The following TET3 variants were observed in gnomAD, a reference collection of about 807,000 sequenced individuals.
TET3 encodes methylcytosine dioxygenase TET3.
A neutral mutation model predicts 141.4 loss-of-function variants in TET3; 19 were observed. The observed-to-expected ratio is 0.13, with a 90% CI of 0.09 to 0.20. The LOEUF is 0.20. Ranked by LOEUF, TET3 falls within the 10% of genes least tolerant of loss-of-function variation. The probability of loss-of-function intolerance (pLI) is 1.00; values close to 1 mark genes in which losing one functional copy is unlikely to be tolerated. For missense variants in TET3, 1,874 were observed against 2,356.9 expected, an observed-to-expected ratio of 0.80 and a Z score of 4.24; for synonymous variants, 1,043 against 980.9, an observed-to-expected ratio of 1.06 and a Z score of -1.18.
At chr2:74,036,804 G>C (rs1687087989) in intron 3 of TET3, among the ~76,000 whole-genome samples, 3 of 152,286 alleles carry the variant, frequency 2.0e-5, no homozygotes, top group Middle Eastern at 3.4e-3. Context: ...ATTAGTTACT[G>C]TTAGGTCAGA....
At chr2:74,052,271 C>A (rs529486623) in intron 4 of TET3, among the ~76,000 whole-genome samples, 17 of 152,164 alleles carry the variant, frequency 1.1e-4, no homozygotes, top group Non-Finnish European at 2.2e-4. Context: ...TAAGCCACCA[C>A]GCCTGAACAG....
intron 3 of TET3, among the ~76,000 whole-genome samples, chr2:74,006,896 A>G (rs571559045): frequency 1.3e-5 from 2 of 152,334 alleles, no homozygotes; most frequent in Non-Finnish European, 2.9e-5. Context: ...CTTTAGGCAA[A>G]TAGAAGGCAG....
intron 6 of TET3, among the ~76,000 whole-genome samples, chr2:74,085,278 G>A (rs546469103): frequency 6.6e-6 from 1 of 152,270 alleles, no homozygotes; most frequent in East Asian, 1.9e-4. Flanking sequence ...TCCCCCAGGC[G>A]GTAGTTGATG....
At chr2:74,108,565 G>C (rs1691628615), downstream of TET3, among the ~76,000 whole-genome samples, 1 of 152,130 alleles carries the variant, frequency 6.6e-6, no homozygotes, top group South Asian at 2.1e-4. Context: ...CGGATGGCTT[G>C]AACAGCAAGT....
At chr2:74,032,104 T>C (rs970691650) in intron 3 of TET3, among the ~76,000 whole-genome samples, 1 of 152,136 alleles carries the variant, frequency 6.6e-6, no homozygotes, top group Non-Finnish European at 1.5e-5. Context: ...CACTCAAAAC[T>C]GTGGGCTGCT....
At position 74,063,992 on chromosome 2, in the gene TET3, T is replaced by C. The variant is rs1688743442; in HGVS notation, c.2495-9557T>C. Among the ~76,000 whole-genome samples the C allele has an allele frequency of 2.0e-5, 3 of 152,254 alleles. No individual in the cohort carries two copies. In the South Asian group the frequency reaches 6.2e-4, roughly 31 times the overall value. ...AAAGTGCTGTTCTTCATTTGATTAC[T>C]TTCTAAGTAAGAAAGCCAGGATAAT... is the stretch of plus-strand genomic sequence containing the variant. On this transcript the variant is annotated intron_variant, in intron 4 of 11. Transcript: ENST00000409262.
At position 74,101,188 on chromosome 2, in the gene TET3, T is replaced by C; in HGVS notation, c.4400T>C (p.Ile1467Thr). The C allele has an allele frequency of 6.2e-7, 1 of 1,613,742 alleles. No homozygotes were observed. The highest frequency in any genetic ancestry group is 8.5e-7 in the Non-Finnish European group (1 of 1,179,836). ...TTCTCGTCTGGGGAGAGTCCTGCCA[T>C]CGTCCCTGACAAGCTCAGTTCCTTT... ...GVFSSGESPA[I>T]VPDKLSSFGA... Residue 1467 changes from isoleucine (I) to threonine (T), a missense_variant, in exon 12 of 12, where the codon ATC (isoleucine) becomes ACC (threonine). Transcript: ENST00000409262. The surrounding 1 kb of genome is among the most constrained non-coding windows in gnomAD (Gnocchi z 8.5).
intron 2 of TET3, among the ~76,000 whole-genome samples, chr2:73,991,719 C>T (rs1416527477): frequency 6.7e-6 from 1 of 149,922 alleles, no homozygotes; most frequent in Non-Finnish European, 1.5e-5. Context: ...GCAGGAGAAT[C>T]CCTTGAACCC....
intron 3 of TET3, among the ~76,000 whole-genome samples, chr2:74,032,449 CTCTGTGTGTGTGTGTGTGTGTG>C (rs1686751685): frequency 2.4e-5 from 1 of 42,056 alleles, no homozygotes. Context: ...AGGGGTGTGT[CTCTGTGTGTGTGTGTGTGTGTG>C]TGTGTGTGTG....
chr2:74,013,545 C>CA, intron 3 of TET3, among the ~76,000 whole-genome samples: 1 of 152,164 alleles, frequency 6.6e-6, no homozygotes, highest in Non-Finnish European at 1.5e-5. Flanking sequence ...CAGTGGCTCT[C>CA]ACGCCTGTAA....
At chr2:74,024,995 G>A (rs972093212) in intron 3 of TET3, among the ~76,000 whole-genome samples, 39 of 151,960 alleles carry the variant, frequency 2.6e-4, no homozygotes, top group African/African-American at 8.2e-4. Flanking sequence ...AGGCCGAGGC[G>A]GGTGGATCAT....
chr2:74,028,598 T>C (rs1169377781), intron 3 of TET3, among the ~76,000 whole-genome samples: 1 of 152,210 alleles, frequency 6.6e-6, no homozygotes, highest in African/African-American at 2.4e-5. Flanking sequence ...TCTCACTGTT[T>C]TGTAGATGTT....
At chr2:74,069,203 T>G (rs1023383193) in intron 4 of TET3, among the ~76,000 whole-genome samples, 1 of 151,762 alleles carries the variant, frequency 6.6e-6, no homozygotes, top group Admixed American at 6.6e-5. Context: ...GATAAGGTAT[T>G]AAGTATGGAT....
At chr2:73,987,421 G>C (rs1684092129) in intron 2 of TET3, among the ~76,000 whole-genome samples, 1 of 152,196 alleles carries the variant, frequency 6.6e-6, no homozygotes, top group African/African-American at 2.4e-5. Flanking sequence ...GAGGGAAGGA[G>C]ATTTGGGGTG....
chr2:74,042,421 A>G (rs1354039480), intron 3 of TET3, among the ~76,000 whole-genome samples: 1 of 152,254 alleles, frequency 6.6e-6, no homozygotes, highest in Non-Finnish European at 1.5e-5. Context: ...CTGCTCAGTT[A>G]CAGACATAGT....
chr2:74,022,092 C>T (rs1686074726), intron 3 of TET3, among the ~76,000 whole-genome samples: 1 of 83,606 alleles, frequency 1.2e-5, no homozygotes, highest in African/African-American at 6.1e-5. Flanking sequence ...CTTTCTAGGA[C>T]ACTTTTTTTT....
rs1687760643 is a variant in TET3, at chr2:74,048,340, C to T, written c.2423C>T (p.Thr808Ile). 4.3e-6 allele frequency: 7 copies of T among 1,613,822 alleles called. No homozygotes were observed. The highest frequency in any genetic ancestry group is 5.9e-6 in the Non-Finnish European group (7 of 1,179,894). Residue 808 changes from threonine (T) to isoleucine (I), a missense_variant, in exon 4 of 12, where the codon ACA becomes ATA. By Grantham distance (89) the Thr-to-Ile change is moderately conservative (BLOSUM62 -1). Transcript: ENST00000409262. ...GAGTCACCTCTTAAGTACCTGGACA[C>T]ACCCACCAAGAGTCTGCTGGACACA... Reference protein sequence around the residue: ...FLESPLKYLDTPTKSLLDTPA... With the variant: ...FLESPLKYLDIPTKSLLDTPA...
the TET3 span, chr2:74,135,325 CT>C: frequency 2.1e-6 from 1 of 479,724 alleles, no homozygotes; most frequent in Non-Finnish European, 3.5e-6. Flanking sequence ...ACTGCATTCT[CT>C]CTCTGTAGCA....
At position 74,103,420 on chromosome 2, in the gene TET3, C is replaced by A. The variant is rs1169825389; in HGVS notation, c.*1244C>A. 4 of 152,278 alleles carry A rather than the reference C, an allele frequency of 2.6e-5. No homozygotes were observed. Among genetic ancestry groups the A allele is most frequent in the Non-Finnish European group, 4.4e-5 (3 of 68,084 alleles). 9.4% of individuals were successfully genotyped at this position (152,278 alleles called of 1,614,324 possible). On this transcript the variant is annotated 3_prime_UTR_variant, in exon 12 of 12. Coordinates refer to ENST00000409262, the MANE Select transcript of TET3 (RefSeq NM_001287491.2). ...ATTGGACAATGGTGCATGCCTCACA[C>A]CTGAGCCTGCTTCCTCCATGCTGTC...
Sources: allele counts gnomAD v4.1 joint callset (sites outside exome capture counted in the v4.1 genomes callset), GRCh38; gene constraint gnomAD v4.1.1; non-coding constraint Gnocchi (gnomAD v3.1); transcripts MANE v1.5; gene names NCBI Gene and HGNC (gene_info 2026-07-23, HGNC 2026-07-21).